The following RABGAP1L variants were observed in gnomAD, a reference collection of about 807,000 sequenced individuals.
RABGAP1L encodes the protein rab GTPase-activating protein 1-like.
Under a neutral mutation model 137.7 loss-of-function variants are expected in RABGAP1L, and 63 were observed. That is an observed-to-expected ratio of 0.46 (90% CI 0.37 to 0.56). RABGAP1L has a LOEUF of 0.56. Among genes scored for constraint, RABGAP1L ranks in the 20% least tolerant of loss-of-function variants. The probability of loss-of-function intolerance (pLI) is 0.00; values close to 1 mark genes in which losing one functional copy is unlikely to be tolerated. For missense variants in RABGAP1L, 1,095 were observed against 1,244.0 expected (o/e 0.88, Z 1.80); for synonymous variants, 431 against 433.7 (o/e 0.99, Z 0.08).
At chr1:174,265,544 G>GAA (rs1048423205) in intron 7 of RABGAP1L, among the ~76,000 whole-genome samples, 95 of 104,062 alleles carry the variant, frequency 9.1e-4, no homozygotes, top group Middle Eastern at 5.9e-3. Flanking sequence ...AGCCTGTCTT[G>GAA]AAAAAAAAAA....
intron 13 of RABGAP1L, among the ~76,000 whole-genome samples, chr1:174,506,541 C>T (rs1367983709): frequency 4.6e-5 from 7 of 152,008 alleles, no homozygotes; most frequent in Non-Finnish European, 1.5e-5. Context: ...ATGAAGAAAA[C>T]GATTCCATTT....
At chr1:174,329,431 C>T (rs1454444400) in intron 11 of RABGAP1L, among the ~76,000 whole-genome samples, 3 of 152,024 alleles carry the variant, frequency 2.0e-5, no homozygotes, top group Non-Finnish European at 4.4e-5. Flanking sequence ...AAATTATTCA[C>T]AAAATATTCT....
intron 17 of RABGAP1L, among the ~76,000 whole-genome samples, chr1:174,719,706 T>C (rs1483315591): frequency 6.6e-6 from 1 of 152,184 alleles, no homozygotes; most frequent in East Asian, 1.9e-4. Context: ...GTAAAGGAAC[T>C]CAAATTCAAT....
intron 13 of RABGAP1L, among the ~76,000 whole-genome samples, chr1:174,402,939 A>G (rs969044424): frequency 6.6e-6 from 1 of 152,146 alleles, no homozygotes; most frequent in African/African-American, 2.4e-5. Context: ...TACTTTCAGT[A>G]ATTGTATGAC....
chr1:174,411,199 C>T (rs1260462151), intron 13 of RABGAP1L, among the ~76,000 whole-genome samples: 1 of 152,098 alleles, frequency 6.6e-6, no homozygotes, highest in Non-Finnish European at 1.5e-5. Context: ...GATCATTTGA[C>T]TTCTTCTTTT....
rs201840235 is a variant in RABGAP1L at position 174,720,306 on chromosome 1, TG to T, written c.2169+18052del. The stretch of plus-strand genomic sequence containing the variant: ...ATAGATAGATAGACAGACAGATAGT[TG>T]GTTTTTTTTTTTTTGAGACAGGGTC... On this transcript the variant is annotated intron_variant, in intron 17 of 25. Transcript: ENST00000681986. Among the ~76,000 whole-genome samples the T allele has an allele frequency of 6.2e-4, 67 of 108,896 alleles. 3 individuals are homozygous for T. Among genetic ancestry groups the T allele is most frequent in the Middle Eastern group, 4.9e-3 (1 of 204 alleles). 71.4% of individuals were successfully genotyped at this position (108,896 alleles called of 152,430 possible). A position where few individuals can be genotyped will look rare whatever the true frequency, so the allele number is the denominator to read the frequency against.
At chr1:174,326,190 G>A (rs183215911) in intron 11 of RABGAP1L, among the ~76,000 whole-genome samples, 15 of 152,264 alleles carry the variant, frequency 9.9e-5, no homozygotes, top group African/African-American at 3.6e-4. Flanking sequence ...AGGAAAAATG[G>A]CCTCACCAAA....
At chr1:174,487,437 A>G (rs1317438763) in intron 13 of RABGAP1L, among the ~76,000 whole-genome samples, 1 of 152,150 alleles carries the variant, frequency 6.6e-6, no homozygotes, top group East Asian at 1.9e-4. Context: ...TATTAGAACT[A>G]TAACTACTCC....
chr1:174,840,395 G>A (rs559627136), intron 19 of RABGAP1L, among the ~76,000 whole-genome samples: 1 of 152,130 alleles, frequency 6.6e-6, no homozygotes, highest in Non-Finnish European at 1.5e-5. Context: ...AATGCCCACA[G>A]CTGCAGATCT....
chr1:174,630,166 T>G (rs1673238468), intron 13 of RABGAP1L, among the ~76,000 whole-genome samples: 1 of 151,534 alleles, frequency 6.6e-6, no homozygotes, highest in Non-Finnish European at 1.5e-5. Flanking sequence ...GTTTTTGTCT[T>G]TGGCTCTGTT....
intron 19 of RABGAP1L, among the ~76,000 whole-genome samples, chr1:174,956,658 T>A (rs1668558791): frequency 6.6e-6 from 1 of 151,306 alleles, no homozygotes; most frequent in South Asian, 2.1e-4. Flanking sequence ...TTCTTTTTTT[T>A]TTTTTTTGAG....
chr1:174,700,438 G>A (rs1054579375), intron 16 of RABGAP1L: 1 of 152,286 alleles, frequency 6.6e-6, no homozygotes, highest in African/African-American at 2.4e-5. Context: ...AAATGGTTGA[G>A]GAAGGAGGTT....
chr1:174,368,374 ATTAAC>A (rs1308280127), intron 11 of RABGAP1L, among the ~76,000 whole-genome samples: 1 of 152,226 alleles, frequency 6.6e-6, no homozygotes, highest in Non-Finnish European at 1.5e-5. Flanking sequence ...CAAATGATAT[ATTAAC>A]TTAGCATCTT....
intron 15 of RABGAP1L, among the ~76,000 whole-genome samples, chr1:174,697,616 G>T (rs954931931): frequency 6.6e-6 from 1 of 152,182 alleles, no homozygotes; most frequent in Admixed American, 6.5e-5. Flanking sequence ...ACCGCGCCCG[G>T]CCTGGCTACA....
chr1:174,666,778 G>T (rs576124813), intron 14 of RABGAP1L, among the ~76,000 whole-genome samples: 1 of 152,252 alleles, frequency 6.6e-6, no homozygotes, highest in South Asian at 2.1e-4. Flanking sequence ...TAAGGTTTGT[G>T]TGTGAGGGAG....
intron 13 of RABGAP1L, among the ~76,000 whole-genome samples, chr1:174,442,277 C>T (rs1027699106): frequency 4.6e-5 from 7 of 151,716 alleles, no homozygotes; most frequent in Non-Finnish European, 1.0e-4. Flanking sequence ...GATTTTAATA[C>T]TATTATCTCT....
intron 11 of RABGAP1L, 146 bp downstream of exon 11, chr1:174,305,273 A>T: frequency 1.2e-6 from 1 of 819,174 alleles, no homozygotes; most frequent in Non-Finnish European, 1.7e-6. Context: ...GGTGCAGAAA[A>T]GAATTTGGTT....
At chr1:174,218,251 G>C (rs1669488691) in intron 1 of RABGAP1L, among the ~76,000 whole-genome samples, 1 of 152,116 alleles carries the variant, frequency 6.6e-6, no homozygotes, top group Admixed American at 6.6e-5. Context: ...ATAGCCTTTA[G>C]AGTGACTTGG....
intron 1 of RABGAP1L, among the ~76,000 whole-genome samples, chr1:174,184,278 A>G (rs565160100): frequency 1.3e-5 from 2 of 152,320 alleles, no homozygotes; most frequent in South Asian, 4.1e-4. Context: ...GATGTACCAC[A>G]GTCTGTCTGT....
Sources: allele counts gnomAD v4.1 joint callset (sites outside exome capture counted in the v4.1 genomes callset), GRCh38; gene constraint gnomAD v4.1.1; transcripts MANE v1.5; gene names NCBI Gene and HGNC (gene_info 2026-07-23, HGNC 2026-07-21).